The following TIMP2 variants were observed in gnomAD, a reference collection of about 807,000 sequenced individuals.
The protein encoded by TIMP2 is metalloproteinase inhibitor 2.
In TIMP2, 5 loss-of-function variants were observed where a neutral mutation model predicts 24.3. The observed-to-expected ratio is 0.21, with a 90% confidence interval of 0.11 to 0.43. The LOEUF (loss-of-function observed/expected upper bound fraction) is 0.43, where lower values mean the gene tolerates loss of function less well. TIMP2 is among the 20% of genes least tolerant of loss of function. TIMP2 has a pLI of 1.00. For missense variants in TIMP2, 221 were observed against 297.5 expected, an observed-to-expected ratio of 0.74 and a Z score of 1.89; for synonymous variants, 130 against 123.2, an observed-to-expected ratio of 1.06 and a Z score of -0.37.
At chr17:78,897,221 T>C (rs1159100754) in intron 1 of TIMP2, 1 of 153,558 alleles carries the variant, frequency 6.5e-6, no homozygotes, top group Admixed American at 6.5e-5. Context: ...GCGCCCAGAA[T>C]GGGGGCTCCA....
intron 4 of TIMP2, 38 bp downstream of exon 4, chr17:78,857,484 G>C: frequency 6.2e-7 from 1 of 1,613,458 alleles, no homozygotes; most frequent in Non-Finnish European, 8.5e-7. Flanking sequence ...GAGACACTGG[G>C]AGGAGGCGAT....
At chr17:78,868,944 G>T (rs1434964213) in intron 3 of TIMP2, among the ~76,000 whole-genome samples, 6 of 152,106 alleles carry the variant, frequency 3.9e-5, no homozygotes, top group Non-Finnish European at 8.8e-5. Context: ...AGAGGGTGGG[G>T]GCCAGGGATG....
At chr17:78,880,939 C>A (rs898093560) in intron 1 of TIMP2, among the ~76,000 whole-genome samples, 1 of 152,214 alleles carries the variant, frequency 6.6e-6, no homozygotes, top group Non-Finnish European at 1.5e-5. Flanking sequence ...AGCCTCTCCC[C>A]GGGGCACTCC....
chr17:78,910,531 A>G (rs1291562262), intron 1 of TIMP2, among the ~76,000 whole-genome samples: 2 of 152,204 alleles, frequency 1.3e-5, no homozygotes, highest in African/African-American at 4.8e-5. Context: ...ATGGAACACT[A>G]TAACTCATTC....
chr17:78,893,153 G>A (rs1199112440), intron 1 of TIMP2, among the ~76,000 whole-genome samples: 1 of 149,988 alleles, frequency 6.7e-6, no homozygotes, highest in African/African-American at 2.4e-5. Context: ...GTACATGTGT[G>A]TGCAGGGGTG....
intron 1 of TIMP2, among the ~76,000 whole-genome samples, chr17:78,917,921 TACTC>T (rs1191657400): frequency 1.3e-5 from 2 of 152,036 alleles, no homozygotes; most frequent in Non-Finnish European, 2.9e-5. Flanking sequence ...ACTAGGCAGA[TACTC>T]ACAAGAAACA....
chr17:78,893,360 CAGGG>C (rs2069942498), intron 1 of TIMP2, among the ~76,000 whole-genome samples: 1 of 105,142 alleles, frequency 9.5e-6, no homozygotes, highest in African/African-American at 4.0e-5. Context: ...GGTGTGTGTG[CAGGG>C]GTGTGTAGGA....
At chr17:78,883,917 A>C (rs2069801821) in intron 1 of TIMP2, among the ~76,000 whole-genome samples, 1 of 152,164 alleles carries the variant, frequency 6.6e-6, no homozygotes, top group African/African-American at 2.4e-5. Context: ...AGCAGGTCTC[A>C]TGCCAGAGCC....
intron 1 of TIMP2, chr17:78,900,281 C>CA (rs1247039057): frequency 6.6e-6 from 1 of 152,196 alleles, no homozygotes; most frequent in Non-Finnish European, 1.5e-5. Flanking sequence ...CGCGGTGGCT[C>CA]ACGCCTGTAA....
intron 1 of TIMP2, among the ~76,000 whole-genome samples, chr17:78,914,083 C>T (rs928204766): frequency 1.3e-5 from 2 of 151,996 alleles, no homozygotes; most frequent in African/African-American, 4.8e-5. Flanking sequence ...GCGGAAGGGA[C>T]GGCTTCCTCT....
chr17:78,855,419 C>T lies in TIMP2; in HGVS notation c.*248G>A, dbSNP rs994583419. 3.5e-5 allele frequency: 19 copies of T among 542,530 alleles called. No homozygotes were observed. The highest frequency in any genetic ancestry group is 2.3e-4 in the African/African-American group (12 of 52,804). 33.6% of individuals were successfully genotyped at this position (542,530 alleles called of 1,614,324 possible). On this transcript the variant is annotated 3_prime_UTR_variant, in exon 5 of 5. Coordinates refer to ENST00000262768, the MANE Select transcript of TIMP2 (RefSeq NM_003255.5). The surrounding 1 kb of genome is among the most constrained non-coding windows in gnomAD (Gnocchi z 6.0). ...CGCGTGTCCCAGCCCTGCCTGCACC[C>T]AAGGATCGAAGCCCCAGACACATAG... is the stretch of plus-strand genomic sequence containing the variant.
intron 1 of TIMP2, among the ~76,000 whole-genome samples, chr17:78,911,148 A>G (rs909752805): frequency 2.0e-5 from 3 of 152,024 alleles, no homozygotes; most frequent in Admixed American, 1.3e-4. Flanking sequence ...CCGTCCCTTG[A>G]ACTCTTGATC....
chr17:78,861,291 T>C (rs1030759655), intron 3 of TIMP2, among the ~76,000 whole-genome samples: 1 of 152,232 alleles, frequency 6.6e-6, no homozygotes, highest in Non-Finnish European at 1.5e-5. Flanking sequence ...TGATTTCCAC[T>C]GTATGTATCA....
chr17:78,911,875 A>C (rs1241606145), intron 1 of TIMP2, among the ~76,000 whole-genome samples: 2 of 141,930 alleles, frequency 1.4e-5, no homozygotes, highest in East Asian at 2.1e-4. Context: ...GTGAAACCCT[A>C]TCTCTACTAA....
rs964162536 is a variant in TIMP2, at chr17:78,855,503, C to T, written c.*164G>A. On this transcript the variant is annotated 3_prime_UTR_variant, in exon 5 of 5. Transcript: ENST00000262768. The surrounding 1 kb of genome is among the most constrained non-coding windows in gnomAD (Gnocchi z 6.0). ...GGACCCACGTCTCCCTCCAGACCCA[C>T]AACCATGTCTAAAAGGAGAAGGGGG... 1 of 860,458 alleles carries T rather than the reference C, an allele frequency of 1.2e-6. No individual in the cohort carries two copies. The highest frequency in any genetic ancestry group is 1.8e-6 in the Non-Finnish European group (1 of 567,422). 53.3% of individuals were successfully genotyped at this position (860,458 alleles called of 1,614,324 possible). A position where few individuals can be genotyped will look rare whatever the true frequency, so the allele number is the denominator to read the frequency against.
At chr17:78,915,644 C>A (rs954343476) in intron 1 of TIMP2, among the ~76,000 whole-genome samples, 3 of 151,894 alleles carry the variant, frequency 2.0e-5, no homozygotes, top group South Asian at 2.1e-4. Context: ...CTCAGCCTCC[C>A]GAGTAGCTGG....
At chr17:78,923,200 AGAG>A (rs1303688038) in intron 1 of TIMP2, among the ~76,000 whole-genome samples, 1 of 151,990 alleles carries the variant, frequency 6.6e-6, no homozygotes, top group African/African-American at 2.4e-5. Context: ...GCAACCCAGA[AGAG>A]GAGAGTGCTG....
chr17:78,912,204 C>T (rs976658709), intron 1 of TIMP2, among the ~76,000 whole-genome samples: 3 of 152,222 alleles, frequency 2.0e-5, no homozygotes, highest in African/African-American at 7.2e-5. Context: ...AGGCTCTTTT[C>T]TCCAATACTT....
intron 2 of TIMP2, among the ~76,000 whole-genome samples, chr17:78,871,843 CAAA>C (rs1163916256): frequency 1.6e-5 from 2 of 122,548 alleles, no homozygotes. Context: ...GACTCCATCT[CAAA>C]AAAAAAAAAA....
Sources: gnomAD v4.1 joint callset for allele counts (sites outside exome capture counted in the v4.1 genomes callset) on GRCh38, gnomAD v4.1.1 for gene constraint, Gnocchi (gnomAD v3.1) non-coding constraint, MANE v1.5 for transcripts, NCBI Gene and HGNC (gene_info 2026-07-23, HGNC 2026-07-21) for gene names.